The following CA4 variants were observed in gnomAD, a reference collection of about 807,000 sequenced individuals.
The protein encoded by CA4 is carbonic anhydrase 4, also known as CA-IV.
Under a neutral mutation model 34.5 loss-of-function variants are expected in CA4, and 24 were observed. The ratio of observed to expected loss-of-function variants is 0.70; its 90% CI spans 0.50 to 0.98. The LOEUF is 0.98. Ranked by LOEUF, CA4 falls within the 50% of genes least tolerant of loss-of-function variation. The probability of loss-of-function intolerance (pLI) is 0.00; values close to 1 mark genes in which losing one functional copy is unlikely to be tolerated. For synonymous variants in CA4, 178 were observed against 170.6 expected (o/e 1.04, Z -0.34); for missense variants, 394 against 396.7 (o/e 0.99, Z 0.06).
chr17:60,154,862 C>A (rs1260077717), intron 1 of CA4, among the ~76,000 whole-genome samples: 1 of 152,212 alleles, frequency 6.6e-6, no homozygotes, highest in Non-Finnish European at 1.5e-5. Flanking sequence ...CATCTTGGAT[C>A]TGGGAAGGCT....
Position 60,155,375 on chromosome 17 carries a change from C to T in CA4, c.112+8C>T, listed in dbSNP as rs926107620. On this transcript the variant is annotated splice_region_variant and intron_variant, in intron 2 of 7. Transcript: ENST00000300900. ...CCAACTACCCCTGCTTGGGTGAGTA[C>T]AGCCAGTCCAGGGGACTGCTCTTTG... 1.2e-6 allele frequency: 2 copies of T among 1,602,794 alleles called. No individual in the cohort carries two copies. Among genetic ancestry groups the T allele is most frequent in the Non-Finnish European group, 1.7e-6 (2 of 1,174,394 alleles).
chr17:60,172,794 A>G (rs1212199863), downstream of CA4, among the ~76,000 whole-genome samples: 11 of 151,732 alleles, frequency 7.2e-5, no homozygotes, highest in African/African-American at 2.4e-4. Context: ...CAGTGAGCCG[A>G]GATAGTGCCA....
downstream of CA4, among the ~76,000 whole-genome samples, chr17:60,160,456 T>A (rs1342848818): frequency 6.6e-6 from 1 of 151,788 alleles, no homozygotes; most frequent in African/African-American, 2.4e-5. Flanking sequence ...AGTGAGTGCA[T>A]GGGAGAAAGA....
In CA4 at chr17:60,159,490, A is replaced by G. The variant is rs970447678; in HGVS notation, c.*66A>G. On this transcript the variant is annotated 3_prime_UTR_variant, in exon 8 of 8. Transcript: ENST00000300900. ...TCCAAGTTCCAGGCTTCCGGTCCTTAGCCTTCCCAGGTGGGACTTTAGGCA... is the reference window on the plus strand; with the variant it reads ...TCCAAGTTCCAGGCTTCCGGTCCTTGGCCTTCCCAGGTGGGACTTTAGGCA... 1.9e-5 allele frequency: 29 copies of G among 1,535,912 alleles called. No homozygotes were observed. In the African/African-American group the frequency reaches 2.7e-4, roughly 14 times the overall value.
intron 2 of CA4, among the ~76,000 whole-genome samples, chr17:60,156,283 T>C (rs1342465433): frequency 6.6e-6 from 1 of 152,198 alleles, no homozygotes; most frequent in African/African-American, 2.4e-5. Flanking sequence ...ACCCCGGAGC[T>C]CACAGTCAAC....
chr17:60,158,488 G>A (rs1470667951), intron 7 of CA4, 42 bp downstream of exon 7: 1 of 1,600,454 alleles, frequency 6.2e-7, no homozygotes, highest in Admixed American at 1.7e-5. Context: ...CCACTGCCTG[G>A]CTCCCCAGAA....
chr17:60,156,449 A>C (rs1346500605), intron 2 of CA4, 111 bp from the exon 3 acceptor site: 4 of 1,086,278 alleles, frequency 3.7e-6, no homozygotes, highest in African/African-American at 1.5e-5. Context: ...GGCCACCCCA[A>C]AGCGTTTCTG....
At chr17:60,158,955 G>A (rs1295801815) in intron 7 of CA4, 2 of 531,226 alleles carry the variant, frequency 3.8e-6, no homozygotes, top group African/African-American at 1.9e-5. Flanking sequence ...GAGAGCCACA[G>A]TCCTGTAGTA....
chr17:60,162,229 C>A (rs931545258), downstream of CA4, among the ~76,000 whole-genome samples: 1 of 152,142 alleles, frequency 6.6e-6, no homozygotes. Context: ...CAGAAGTGGG[C>A]AGCTCACCCC....
At chr17:60,176,017 T>C in the CA4 span, among the ~76,000 whole-genome samples, 6,019 of 152,042 alleles carry the variant, frequency 0.04, 439 homozygotes, top group African/African-American at 0.14. Context: ...GGTTTCTCCA[T>C]GTTGGTCAGG....
At chr17:60,173,630 A>G (rs1269545590), downstream of CA4, among the ~76,000 whole-genome samples, 8 of 152,198 alleles carry the variant, frequency 5.3e-5, no homozygotes, top group Non-Finnish European at 1.0e-4. Flanking sequence ...TATGCATATC[A>G]TCTTTCCCTA....
chr17:60,152,733 T>C (rs775010678), intron 1 of CA4, among the ~76,000 whole-genome samples: 3 of 152,160 alleles, frequency 2.0e-5, no homozygotes, highest in Non-Finnish European at 2.9e-5. Flanking sequence ...GGACATGGGA[T>C]GATTATGGCA....
intron 5 of CA4, among the ~76,000 whole-genome samples, chr17:60,165,400 C>T (rs758331845): frequency 2.0e-5 from 3 of 152,136 alleles, no homozygotes; most frequent in Non-Finnish European, 4.4e-5. Context: ...GAAAAGGGGG[C>T]CCTCTGAGCC....
chr17:60,155,975 A>G (rs1337398694), intron 2 of CA4, among the ~76,000 whole-genome samples: 1 of 152,070 alleles, frequency 6.6e-6, no homozygotes, highest in Non-Finnish European at 1.5e-5. Context: ...TGTTTTGGTG[A>G]CTGAGCAGTG....
At chr17:60,160,576 CA>C (rs2083775143), downstream of CA4, among the ~76,000 whole-genome samples, 1 of 152,054 alleles carries the variant, frequency 6.6e-6, no homozygotes, top group Admixed American at 6.5e-5. Flanking sequence ...CCAGCCTGGC[CA>C]ACGTGGCGAA....
downstream of CA4, among the ~76,000 whole-genome samples, chr17:60,159,877 C>T (rs950202043): frequency 3.3e-5 from 5 of 152,156 alleles, no homozygotes; most frequent in African/African-American, 4.8e-5. Flanking sequence ...TAGTGATTCA[C>T]GCCTGTAATC....
chr17:60,178,871 T>C, the CA4 span, among the ~76,000 whole-genome samples: 1 of 152,248 alleles, frequency 6.6e-6, no homozygotes, highest in African/African-American at 2.4e-5. Context: ...TAATTGTTTG[T>C]TTTTTACTCT....
chr17:60,157,880 G>A lies in CA4; in HGVS notation c.513+92G>A, dbSNP rs2083719979. ...CCTGGGACTCCAGCGAGGCAGGAGG[G>A]GGCGGGGAGACTCCAACTTCCGCCT... On this transcript the variant is annotated intron_variant, in intron 5 of 7. Coordinates refer to ENST00000300900, the MANE Select transcript of CA4 (RefSeq NM_000717.5). 2.7e-6 allele frequency: 4 copies of A among 1,500,772 alleles called. No homozygotes were observed. The East Asian group carries it at 9.4e-5, about 35-fold the overall frequency. 93.0% of individuals were successfully genotyped at this position (1,500,772 alleles called of 1,614,324 possible).
chr17:60,150,114 C>T, intron 1 of CA4, 22 bp downstream of exon 1: 1 of 1,586,908 alleles, frequency 6.3e-7, no homozygotes, highest in Non-Finnish European at 8.5e-7. Flanking sequence ...GGCTCCGGCC[C>T]CAGGTGCCCC....
Sources: allele counts gnomAD v4.1 joint callset (sites outside exome capture counted in the v4.1 genomes callset), GRCh38; gene constraint gnomAD v4.1.1; transcripts MANE v1.5; gene names NCBI Gene and HGNC (gene_info 2026-07-23, HGNC 2026-07-21).